The following TTLL11 variants were observed in gnomAD, a reference collection of about 807,000 sequenced individuals.
TTLL11 encodes tubulin tyrosine ligase like 11.
A neutral mutation model predicts 51.7 loss-of-function variants in TTLL11; 42 were observed. The ratio of observed to expected loss-of-function variants is 0.81; its 90% CI spans 0.64 to 1.05. The LOEUF is 1.05. Ranked by LOEUF, TTLL11 falls within the 50% of genes least tolerant of loss-of-function variation. TTLL11 has a pLI of 0.00. For missense variants in TTLL11, 799 were observed against 940.4 expected (o/e 0.85, Z 1.97); for synonymous variants, 381 against 383.5 (o/e 0.99, Z 0.08).
intron 1 of TTLL11, among the ~76,000 whole-genome samples, chr9:122,049,320 T>C (rs1037733492): frequency 2.6e-5 from 4 of 152,208 alleles, no homozygotes; most frequent in African/African-American, 9.6e-5. Flanking sequence ...ATATAGGTGC[T>C]ACTATTAACC....
At chr9:122,069,439 T>C (rs200152179) in intron 1 of TTLL11, among the ~76,000 whole-genome samples, 88 of 152,254 alleles carry the variant, frequency 5.8e-4, no homozygotes, top group Non-Finnish European at 9.9e-4. Context: ...TCCTAACACT[T>C]TGGGAGGCTG....
At chr9:121,837,013 A>T (rs997571984) in intron 8 of TTLL11, among the ~76,000 whole-genome samples, 4 of 152,240 alleles carry the variant, frequency 2.6e-5, no homozygotes, top group African/African-American at 9.6e-5. Flanking sequence ...TTTTGCACAC[A>T]AATAGGATCA....
chr9:122,025,987 A>C (rs1434818969), intron 3 of TTLL11, among the ~76,000 whole-genome samples: 3 of 152,218 alleles, frequency 2.0e-5, no homozygotes, highest in Non-Finnish European at 4.4e-5. Flanking sequence ...ACAAATATGG[A>C]TGAATCTCAA....
chr9:121,977,023 T>C (rs1442842444), intron 4 of TTLL11, among the ~76,000 whole-genome samples: 1 of 152,160 alleles, frequency 6.6e-6, no homozygotes, highest in Non-Finnish European at 1.5e-5. Context: ...CAACTCTTAC[T>C]TTTTGGTATA....
chr9:122,092,686 C>T lies in TTLL11; in HGVS notation c.462+1G>A. On this transcript the variant is annotated splice_donor_variant, in intron 1 of 8. Coordinates refer to ENST00000321582, the MANE Select transcript of TTLL11 (RefSeq NM_001139442.2). LOFTEE classifies it high-confidence loss of function. ...CGCGGCCGGGTCGGGCCGGGCCTCA[C>T]CTCCTTCCACTTGAGCTGGCGGATG... is the stretch of plus-strand genomic sequence containing the variant. 4 of 1,536,978 alleles carry T rather than the reference C, an allele frequency of 2.6e-6. No homozygotes were observed. The highest frequency in any genetic ancestry group is 2.4e-5 in the East Asian group (1 of 40,912).
At chr9:122,017,458 A>G (rs1188480718) in intron 3 of TTLL11, among the ~76,000 whole-genome samples, 1 of 150,784 alleles carries the variant, frequency 6.6e-6, no homozygotes, top group Non-Finnish European at 1.5e-5. Context: ...ATGTTCATCA[A>G]CAACAGGGTG....
intron 1 of TTLL11, among the ~76,000 whole-genome samples, chr9:122,042,140 G>A (rs1192122234): frequency 6.6e-6 from 1 of 151,600 alleles, no homozygotes; most frequent in Admixed American, 6.6e-5. Context: ...TCAGCCCCCC[G>A]AGTGGCTGGG....
At chr9:121,910,752 T>A (rs1489190269) in intron 6 of TTLL11, among the ~76,000 whole-genome samples, 1 of 152,246 alleles carries the variant, frequency 6.6e-6, no homozygotes, top group African/African-American at 2.4e-5. Flanking sequence ...AAATGAACAT[T>A]GTTAAGATAA....
At chr9:122,001,306 G>A (rs1235199526) in intron 3 of TTLL11, among the ~76,000 whole-genome samples, 2 of 152,158 alleles carry the variant, frequency 1.3e-5, no homozygotes, top group Non-Finnish European at 2.9e-5. Flanking sequence ...ACGTTGGACA[G>A]GCTGGTCTCC....
At chr9:122,039,669 T>C (rs1844788947) in intron 1 of TTLL11, among the ~76,000 whole-genome samples, 1 of 152,238 alleles carries the variant, frequency 6.6e-6, no homozygotes, top group East Asian at 1.9e-4. Context: ...ATTACTCCCA[T>C]TTTGCTGATT....
chr9:121,943,334 G>A (rs1222208014), intron 6 of TTLL11, among the ~76,000 whole-genome samples: 7 of 152,104 alleles, frequency 4.6e-5, no homozygotes, highest in South Asian at 2.1e-4. Context: ...CTTCTTAGGC[G>A]TACGGACCGT....
chr9:121,931,035 C>T (rs902378826), intron 6 of TTLL11, among the ~76,000 whole-genome samples: 1 of 152,192 alleles, frequency 6.6e-6, no homozygotes, highest in South Asian at 2.1e-4. Flanking sequence ...TTTAATTACT[C>T]GTTTCACTTT....
At chr9:122,070,035 G>A (rs887456359) in intron 1 of TTLL11, among the ~76,000 whole-genome samples, 7 of 151,714 alleles carry the variant, frequency 4.6e-5, no homozygotes, top group Admixed American at 4.6e-4. Context: ...ACACACACCA[G>A]AACACTATCT....
At chr9:122,000,540 A>G (rs1203331062) in intron 3 of TTLL11, among the ~76,000 whole-genome samples, 1 of 151,756 alleles carries the variant, frequency 6.6e-6, no homozygotes, top group Non-Finnish European at 1.5e-5. Flanking sequence ...AGCCAGCTGA[A>G]ACCCACCAAA....
intron 1 of TTLL11, among the ~76,000 whole-genome samples, chr9:122,043,201 C>T (rs767316048): frequency 1.3e-5 from 2 of 152,100 alleles, no homozygotes; most frequent in Middle Eastern, 3.4e-3. Context: ...AATCTCTGCA[C>T]CATATGCTCA....
At chr9:121,873,459 G>A (rs1230790426) in intron 6 of TTLL11, among the ~76,000 whole-genome samples, 1 of 143,634 alleles carries the variant, frequency 7.0e-6, no homozygotes, top group Non-Finnish European at 1.5e-5. Flanking sequence ...ACAGGCATGC[G>A]CCACCACACC....
At chr9:122,047,690 T>C (rs945621800) in intron 1 of TTLL11, among the ~76,000 whole-genome samples, 3 of 152,202 alleles carry the variant, frequency 2.0e-5, no homozygotes, top group African/African-American at 7.2e-5. Flanking sequence ...TTTGATATAA[T>C]ACCACAGAGA....
chr9:122,028,830 A>G (rs1844432345), intron 3 of TTLL11, among the ~76,000 whole-genome samples: 1 of 152,230 alleles, frequency 6.6e-6, no homozygotes, highest in African/African-American at 2.4e-5. Flanking sequence ...ATACTCTCTG[A>G]TGTCAACAAA....
In TTLL11 at chr9:121,853,174, C is replaced by T. The variant is rs144143906; in HGVS notation, c.1840+7163G>A. ...GACACCCATGGGATTGGTGGGTTGC[C>T]GCGGCTGAGCCCTGGTCCATGGGAC... On this transcript the variant is annotated intron_variant, in intron 8 of 8. Transcript: ENST00000321582. The surrounding 1 kb of genome is among the most constrained non-coding windows in gnomAD (Gnocchi z 5.6). Among the ~76,000 whole-genome samples the T allele has an allele frequency of 3.9e-5, 6 of 152,294 alleles. No homozygotes were observed. Among genetic ancestry groups the T allele is most frequent in the African/African-American group, 1.4e-4 (6 of 41,574 alleles).
Sources: allele counts gnomAD v4.1 joint callset (sites outside exome capture counted in the v4.1 genomes callset), GRCh38; gene constraint gnomAD v4.1.1; non-coding constraint Gnocchi (gnomAD v3.1); transcripts MANE v1.5; gene names NCBI Gene and HGNC (gene_info 2026-07-23, HGNC 2026-07-21).